The following IFT74 variants were observed in gnomAD, a reference collection of about 807,000 sequenced individuals.
IFT74 encodes intraflagellar transport protein 74 homolog.
Under a neutral mutation model 96.7 loss-of-function variants are expected in IFT74, and 92 were observed. That is an observed-to-expected ratio of 0.95 (90% CI 0.80 to 1.13). The LOEUF (loss-of-function observed/expected upper bound fraction) is 1.13, where lower values mean the gene tolerates loss of function less well. Among genes scored for constraint, IFT74 ranks in the 50% most tolerant of loss-of-function variants. IFT74 has a pLI of 0.00. For missense variants in IFT74, 811 were observed against 698.2 expected, an observed-to-expected ratio of 1.16 and a Z score of -1.82; for synonymous variants, 223 against 213.2, an observed-to-expected ratio of 1.05 and a Z score of -0.40.
At chr9:27,006,406 C>T (rs550633530) in intron 8 of IFT74, among the ~76,000 whole-genome samples, 187 of 152,028 alleles carry the variant, frequency 1.2e-3, no homozygotes, top group Admixed American at 2.5e-3. Flanking sequence ...GAGACCAGCC[C>T]GGCCAACTTA....
chr9:27,020,082 T>C (rs959241026), intron 12 of IFT74, among the ~76,000 whole-genome samples: 2 of 152,048 alleles, frequency 1.3e-5, no homozygotes, highest in African/African-American at 4.8e-5. Flanking sequence ...TTCAAGGGAT[T>C]CTCATGCCTC....
intron 18 of IFT74, among the ~76,000 whole-genome samples, chr9:27,059,289 A>T (rs1330894741): frequency 2.0e-5 from 3 of 152,202 alleles, no homozygotes; most frequent in African/African-American, 7.2e-5. Context: ...GGCTTTTGGC[A>T]TCTCTAAAGA....
At chr9:27,006,666 A>AAGG (rs907034836) in intron 8 of IFT74, among the ~76,000 whole-genome samples, 1 of 141,218 alleles carries the variant, frequency 7.1e-6, no homozygotes, top group East Asian at 2.2e-4. Context: ...GGGGGAGGGG[A>AAGG]AGGAGGAGGA....
At position 26,966,438 on chromosome 9, in the gene IFT74, C is replaced by T. The variant is rs146899539; in HGVS notation, c.120+4351C>T. On this transcript the variant is annotated intron_variant, in intron 2 of 19. Coordinates refer to ENST00000380062, the MANE Select transcript of IFT74 (RefSeq NM_025103.4). ...CTCTGATGATCAGTGATGTTGAGCA[C>T]CTTTTCGTATACCTGTTTGACGTTT... Among the ~76,000 whole-genome samples the T allele has an allele frequency of 2.2e-3, 340 of 152,054 alleles. 3 individuals carry two copies. Among genetic ancestry groups the T allele is most frequent in the African/African-American group, 7.9e-3 (328 of 41,520 alleles).
chr9:26,966,406 T>G (rs1343014687), intron 2 of IFT74, among the ~76,000 whole-genome samples: 1 of 152,144 alleles, frequency 6.6e-6, no homozygotes, highest in Non-Finnish European at 1.5e-5. Context: ...AGTTTTGATT[T>G]GCATTTCTCT....
At chr9:27,019,014 C>T (rs897267945) in intron 12 of IFT74, among the ~76,000 whole-genome samples, 1 of 151,928 alleles carries the variant, frequency 6.6e-6, no homozygotes, top group Non-Finnish European at 1.5e-5. Flanking sequence ...TTCTGCTGCC[C>T]AGACTGGAGT....
intron 1 of IFT74, among the ~76,000 whole-genome samples, chr9:26,950,199 C>T (rs921524219): frequency 2.6e-5 from 4 of 151,908 alleles, no homozygotes; most frequent in Non-Finnish European, 4.4e-5. Context: ...GTAGTCCCAG[C>T]TACTCAGGAG....
chr9:27,016,193 T>C (rs1226029059), intron 10 of IFT74, among the ~76,000 whole-genome samples: 3 of 152,220 alleles, frequency 2.0e-5, no homozygotes, highest in African/African-American at 7.2e-5. Flanking sequence ...AATCTTGCTC[T>C]GCTTCTTCCT....
chr9:26,948,703 A>G (rs1408958449), intron 1 of IFT74, among the ~76,000 whole-genome samples: 2 of 151,678 alleles, frequency 1.3e-5, no homozygotes, highest in East Asian at 3.9e-4. Flanking sequence ...TGACCTCATA[A>G]TCTGCCCTCC....
chr9:27,027,610 T>TG (rs1220873246), intron 12 of IFT74, among the ~76,000 whole-genome samples: 8 of 152,190 alleles, frequency 5.3e-5, no homozygotes, highest in Admixed American at 3.9e-4. Context: ...CCATATTCTT[T>TG]GGGGGAAATG....
chr9:26,976,583 A>G (rs1827137759), intron 2 of IFT74: 2 of 371,284 alleles, frequency 5.4e-6, no homozygotes, highest in Admixed American at 7.1e-5. Flanking sequence ...TCTACAGAGG[A>G]CTAGAGAGCC....
At chr9:27,048,018 T>C (rs547558914) in intron 15 of IFT74, 130 bp from the exon 16 acceptor site, 2 of 508,686 alleles carry the variant, frequency 3.9e-6, no homozygotes, top group Non-Finnish European at 6.6e-6. Context: ...AATATATAAC[T>C]TGAATGGTGT....
chr9:26,982,387 G>A (rs767611059), intron 4 of IFT74: 10 of 437,854 alleles, frequency 2.3e-5, no homozygotes, highest in Admixed American at 9.7e-5. Context: ...CCTCAGCCTC[G>A]TGCCTGTAAT....
chr9:26,994,518 C>T (rs1217746711), intron 8 of IFT74: 1 of 129,734 alleles, frequency 7.7e-6, no homozygotes, highest in East Asian at 2.2e-4. Flanking sequence ...GCCTGGGAGA[C>T]AGTGCGAGAC....
intron 16 of IFT74, among the ~76,000 whole-genome samples, chr9:27,048,666 G>A (rs1328659459): frequency 6.6e-6 from 1 of 152,176 alleles, no homozygotes; most frequent in Non-Finnish European, 1.5e-5. Context: ...TGAGGGAGTA[G>A]TAAGGGAAAT....
chr9:26,983,558 C>T (rs923508232), intron 4 of IFT74, among the ~76,000 whole-genome samples: 8 of 152,150 alleles, frequency 5.3e-5, no homozygotes, highest in Non-Finnish European at 1.0e-4. Context: ...GTGCTAATCA[C>T]TGACCCAAAA....
chr9:27,029,184 C>T (rs1448746851), intron 13 of IFT74, 80 bp downstream of exon 13: 6 of 1,009,344 alleles, frequency 5.9e-6, no homozygotes, highest in African/African-American at 4.9e-5. Flanking sequence ...GTCTCAGAGA[C>T]TGTTCAACTA....
At chr9:26,996,840 C>T (rs1339513538) in intron 8 of IFT74, among the ~76,000 whole-genome samples, 1 of 152,114 alleles carries the variant, frequency 6.6e-6, no homozygotes, top group African/African-American at 2.4e-5. Flanking sequence ...CTAGGAAGCA[C>T]TTTTAAAAAA....
chr9:26,963,586 G>A (rs1334546896), intron 2 of IFT74, among the ~76,000 whole-genome samples: 4 of 150,984 alleles, frequency 2.6e-5, no homozygotes, highest in African/African-American at 4.9e-5. Context: ...CAGTGTAAAA[G>A]TGTTCCTATT....
Sources: allele counts gnomAD v4.1 joint callset (sites outside exome capture counted in the v4.1 genomes callset), GRCh38; gene constraint gnomAD v4.1.1; transcripts MANE v1.5; gene names NCBI Gene and HGNC (gene_info 2026-07-23, HGNC 2026-07-21).